The following ANK3 variants were observed in gnomAD, a reference collection of about 807,000 sequenced individuals.
The protein encoded by ANK3 is ankyrin 3, also known as ankyrin-3.
Under a neutral mutation model 370.9 loss-of-function variants are expected in ANK3, and 57 were observed. The ratio of observed to expected loss-of-function variants is 0.15; its 90% CI spans 0.12 to 0.19. The LOEUF is 0.19. Among genes scored for constraint, ANK3 ranks in the 10% least tolerant of loss-of-function variants. The pLI is 1.00. For synonymous variants in ANK3, 1,929 were observed against 1,946.3 expected (o/e 0.99, Z 0.23); for missense variants, 4,439 against 5,302.1 (o/e 0.84, Z 5.06).
At chr10:60,237,264 C>T (rs781157794) in intron 7 of ANK3, among the ~76,000 whole-genome samples, 1 of 152,156 alleles carries the variant, frequency 6.6e-6, no homozygotes, top group Admixed American at 6.6e-5. Flanking sequence ...ACCCAAGCGG[C>T]ACAGTGGATG....
At chr10:60,148,000 A>G (rs1156382813) in intron 23 of ANK3, among the ~76,000 whole-genome samples, 2 of 152,210 alleles carry the variant, frequency 1.3e-5, no homozygotes, top group East Asian at 3.9e-4. Flanking sequence ...TAAACTAGGT[A>G]AATTAAGAAG....
intron 1 of ANK3, among the ~76,000 whole-genome samples, chr10:60,320,903 T>C (rs1290353596): frequency 6.6e-6 from 1 of 152,120 alleles, no homozygotes; most frequent in East Asian, 1.9e-4. Flanking sequence ...ACTGGGTATG[T>C]GTAGGGTGAC....
intron 2 of ANK3, among the ~76,000 whole-genome samples, chr10:60,560,644 T>C (rs2077313810): frequency 1.3e-5 from 2 of 152,322 alleles, no homozygotes; most frequent in South Asian, 4.1e-4. Flanking sequence ...TTCCTGAACT[T>C]CTCTATTTGT....
At chr10:60,060,648 A>T (rs1463456739) in intron 40 of ANK3, 1 of 152,200 alleles carries the variant, frequency 6.6e-6, no homozygotes, top group East Asian at 1.9e-4. Context: ...AAAGGATTGA[A>T]AAAACAGACC....
At chr10:60,255,048 A>T (rs1417351497) in intron 7 of ANK3, among the ~76,000 whole-genome samples, 3 of 152,148 alleles carry the variant, frequency 2.0e-5, no homozygotes, top group African/African-American at 7.2e-5. Context: ...TGTGGGAGAG[A>T]GCTATATTTT....
At chr10:60,104,405 G>GA (rs748365310) in intron 28 of ANK3, among the ~76,000 whole-genome samples, 3,695 of 85,136 alleles carry the variant, frequency 0.043, 26 homozygotes, top group African/African-American at 0.083. Context: ...AACAAAGAAA[G>GA]AAAGAAAAGA....
chr10:60,638,308 T>A (rs2078582844), intron 1 of ANK3, among the ~76,000 whole-genome samples: 4 of 152,192 alleles, frequency 2.6e-5, no homozygotes, highest in Admixed American at 2.6e-4. Context: ...AAGAAGGTCA[T>A]GCCTTAGTAG....
intron 2 of ANK3, among the ~76,000 whole-genome samples, chr10:60,426,132 A>T (rs1308446607): frequency 1.3e-5 from 2 of 151,932 alleles, no homozygotes; most frequent in African/African-American, 4.8e-5. Context: ...TCTTCAGTTG[A>T]TTTGTATTTT....
intron 4 of ANK3, among the ~76,000 whole-genome samples, chr10:60,277,191 G>A (rs2098103598): frequency 6.6e-6 from 1 of 152,146 alleles, no homozygotes; most frequent in East Asian, 1.9e-4. Flanking sequence ...AGTAAGCAGG[G>A]GAGGAAGTCA....
At chr10:60,395,523 A>C (rs1309005975) in intron 2 of ANK3, among the ~76,000 whole-genome samples, 2 of 150,372 alleles carry the variant, frequency 1.3e-5, no homozygotes, top group East Asian at 1.9e-4. Flanking sequence ...AAACAAGCAG[A>C]GAACACTTAG....
chr10:60,181,448 A>G, intron 17 of ANK3, 21 bp from the exon 18 acceptor site: 1 of 1,606,064 alleles, frequency 6.2e-7, no homozygotes, highest in Non-Finnish European at 8.5e-7. Flanking sequence ...TTCAAAGGGC[A>G]CAGTCATCGT....
chr10:60,528,657 T>C (rs182235310), intron 2 of ANK3, among the ~76,000 whole-genome samples: 5 of 152,256 alleles, frequency 3.3e-5, no homozygotes, highest in African/African-American at 1.2e-4. Context: ...ATTGACATTT[T>C]AGGCTAGATC....
intron 2 of ANK3, among the ~76,000 whole-genome samples, chr10:60,544,380 T>C (rs1321472970): frequency 6.6e-6 from 1 of 152,154 alleles, no homozygotes; most frequent in Non-Finnish European, 1.5e-5. Context: ...AAAACATGAT[T>C]ACTGAATCCT....
chr10:60,400,784 G>A (rs573945270), intron 2 of ANK3, among the ~76,000 whole-genome samples: 5 of 152,178 alleles, frequency 3.3e-5, no homozygotes, highest in Non-Finnish European at 5.9e-5. Context: ...GTGCCATGGT[G>A]GTTTGCTGCA....
rs926200751 is a variant in ANK3, at chr10:60,028,037, T to A, written c.*1809A>T. 2 of 152,176 alleles carry A rather than the reference T, an allele frequency of 1.3e-5. No homozygotes were observed. The highest frequency in any genetic ancestry group is 2.9e-5 in the Non-Finnish European group (2 of 68,012). 9.4% of individuals were successfully genotyped at this position (152,176 alleles called of 1,614,324 possible). On this transcript the variant is annotated 3_prime_UTR_variant, in exon 44 of 44. Transcript: ENST00000280772. ...AGAATGGACAATAAATGTAAATTAATAAAACAAAACAAAAACAAGCTCTGT... is the reference window on the plus strand; with the variant it reads ...AGAATGGACAATAAATGTAAATTAAAAAAACAAAACAAAAACAAGCTCTGT...
intron 1 of ANK3, among the ~76,000 whole-genome samples, chr10:60,297,690 T>C (rs927419067): frequency 6.6e-6 from 1 of 152,140 alleles, no homozygotes; most frequent in African/African-American, 2.4e-5. Flanking sequence ...TTCTTTTTGG[T>C]CTTACAGATA....
intron 35 of ANK3, among the ~76,000 whole-genome samples, chr10:60,081,090 G>A (rs746906881): frequency 2.0e-5 from 3 of 151,864 alleles, no homozygotes; most frequent in Non-Finnish European, 4.4e-5. Context: ...TTGGTGGGGC[G>A]GGCAGAGGAG....
rs78424635 is a variant in ANK3, at chr10:60,336,564, GATCTATCT to G, written c.114+52853_114+52860del. Among the ~76,000 whole-genome samples, 287 of 150,574 alleles carry G rather than the reference GATCTATCT, an allele frequency of 1.9e-3. 6 individuals carry two copies. In the East Asian group the frequency reaches 0.024, roughly 13 times the overall value. ...TATTTCGGGTATGGTGGAATCTGGA[GATCTATCT>G]ATCTATCTATCTATCTATCTATCTA... On this transcript the variant is annotated intron_variant, in intron 1 of 43. Coordinates refer to ENST00000280772, the MANE Select transcript of ANK3 (RefSeq NM_020987.5).
chr10:60,343,098 T>C (rs929549644), intron 1 of ANK3, among the ~76,000 whole-genome samples: 1 of 152,180 alleles, frequency 6.6e-6, no homozygotes, highest in Admixed American at 6.5e-5. Context: ...CGTGGGTGAG[T>C]TATTAAGTCA....
Sources: gnomAD v4.1 joint callset for allele counts (sites outside exome capture counted in the v4.1 genomes callset) on GRCh38, gnomAD v4.1.1 for gene constraint, MANE v1.5 for transcripts, NCBI Gene and HGNC (gene_info 2026-07-23, HGNC 2026-07-21) for gene names.